LRRC69: variants seen among roughly 807,000 people sequenced by gnomAD.
LRRC69 encodes the protein leucine-rich repeat-containing protein 69.
Under a neutral mutation model 37.8 loss-of-function variants are expected in LRRC69, and 42 were observed. That is an observed-to-expected ratio of 1.11 (90% CI 0.87 to 1.44). The LOEUF (loss-of-function observed/expected upper bound fraction) is 1.44, where lower values mean the gene tolerates loss of function less well. LRRC69 is among the 40% of genes most tolerant of loss of function. LRRC69 has a pLI of 0.00. For synonymous variants in LRRC69, 141 were observed against 143.1 expected, an observed-to-expected ratio of 0.99 and a Z score of 0.11; for missense variants, 357 against 401.9, an observed-to-expected ratio of 0.89 and a Z score of 0.96.
intron 5 of LRRC69, chr8:91,158,500 G>C: frequency 8.9e-7 from 1 of 1,121,188 alleles, no homozygotes; most frequent in Non-Finnish European, 1.4e-6. Context: ...CAATGCACAT[G>C]GGAGATGAAG....
At chr8:91,208,273 G>T (rs931137419) in intron 7 of LRRC69, among the ~76,000 whole-genome samples, 1 of 152,130 alleles carries the variant, frequency 6.6e-6, no homozygotes, top group Admixed American at 6.6e-5. Flanking sequence ...GACAAAGAGA[G>T]GCTAGACCTG....
intron 5 of LRRC69, among the ~76,000 whole-genome samples, chr8:91,183,401 T>G (rs1809355156): frequency 6.6e-6 from 1 of 152,082 alleles, no homozygotes; most frequent in Non-Finnish European, 1.5e-5. Flanking sequence ...AAGAGATATT[T>G]AACAGGTAAA....
At chr8:91,139,403 G>T (rs554672395) in intron 5 of LRRC69, among the ~76,000 whole-genome samples, 56 of 151,994 alleles carry the variant, frequency 3.7e-4, no homozygotes, top group African/African-American at 1.3e-3. Context: ...TTAGCAGGGC[G>T]TGGTGGCGGG....
chr8:91,184,263 A>G (rs1334601424), intron 5 of LRRC69, among the ~76,000 whole-genome samples: 1 of 152,190 alleles, frequency 6.6e-6, no homozygotes, highest in Non-Finnish European at 1.5e-5. Flanking sequence ...TGGGTGACAG[A>G]GTAAAACCCC....
At chr8:91,117,559 CTT>C (rs35003763) in intron 1 of LRRC69, among the ~76,000 whole-genome samples, 51,598 of 114,624 alleles carry the variant, frequency 0.45, 11,869 homozygotes, top group South Asian at 0.61. Context: ...ACAAGATCCA[CTT>C]TTTTTTTTTT....
rs1000132376 is a variant in LRRC69 at position 91,140,029 on chromosome 8, G to A, written c.651+4290G>A. ...CTTGAACCCAGAAGGCAGAGGTTGC[G>A]GTGAGCCAACATCATTGCACCATTG... is the stretch of plus-strand genomic sequence containing the variant. On this transcript the variant is annotated intron_variant, in intron 5 of 7. Transcript: ENST00000448384. Among the ~76,000 whole-genome samples the A allele has an allele frequency of 1.7e-4, 26 of 150,540 alleles. 1 individual carries two copies. The highest frequency in any genetic ancestry group is 5.9e-4 in the African/African-American group (24 of 40,956).
chr8:91,213,551 G>A (rs1809976453), intron 7 of LRRC69, among the ~76,000 whole-genome samples: 1 of 152,174 alleles, frequency 6.6e-6, no homozygotes. Context: ...CGAATAAGTA[G>A]GAGACCTAGT....
At chr8:91,210,588 C>T (rs1156981947) in intron 7 of LRRC69, among the ~76,000 whole-genome samples, 1 of 131,874 alleles carries the variant, frequency 7.6e-6, no homozygotes, top group East Asian at 2.2e-4. Flanking sequence ...CACACACACA[C>T]ACACACAGGT....
intron 5 of LRRC69, among the ~76,000 whole-genome samples, chr8:91,154,194 A>G (rs936302594): frequency 2.6e-5 from 4 of 151,856 alleles, no homozygotes; most frequent in African/African-American, 9.7e-5. Flanking sequence ...ATAGACCAAT[A>G]ACAAGTTCTG....
intron 3 of LRRC69, among the ~76,000 whole-genome samples, chr8:91,128,200 G>A (rs4577919): frequency 0.46 from 70,251 of 151,766 alleles, 17,938 homozygotes; most frequent in South Asian, 0.65. Flanking sequence ...CTAGATTTAT[G>A]CCTTTGGACC....
At chr8:91,143,897 C>A (rs1272887933) in intron 5 of LRRC69, among the ~76,000 whole-genome samples, 1 of 151,946 alleles carries the variant, frequency 6.6e-6, no homozygotes, top group African/African-American at 2.4e-5. Context: ...CCTAGCTTAA[C>A]AATGTACCCA....
At chr8:91,213,247 C>T (rs1809968511) in intron 7 of LRRC69, among the ~76,000 whole-genome samples, 1 of 152,072 alleles carries the variant, frequency 6.6e-6, no homozygotes, top group Non-Finnish European at 1.5e-5. Flanking sequence ...CGTTTCTGTT[C>T]TTATCACAGT....
At chr8:91,191,398 T>C (rs1018676356) in intron 6 of LRRC69, among the ~76,000 whole-genome samples, 6 of 152,194 alleles carry the variant, frequency 3.9e-5, no homozygotes, top group Non-Finnish European at 8.8e-5. Flanking sequence ...TTTATGCCTA[T>C]TATGGACAAG....
intron 1 of LRRC69, among the ~76,000 whole-genome samples, chr8:91,115,092 T>C (rs1015365372): frequency 6.6e-6 from 1 of 151,932 alleles, no homozygotes; most frequent in Non-Finnish European, 1.5e-5. Flanking sequence ...GTTTCAGTTA[T>C]GTAAGATAAA....
intron 5 of LRRC69, among the ~76,000 whole-genome samples, chr8:91,159,358 TA>T (rs1425508641): frequency 6.6e-6 from 1 of 151,228 alleles, no homozygotes; most frequent in Non-Finnish European, 1.5e-5. Flanking sequence ...ACATTGCCAT[TA>T]GAAGAAAAGC....
chr8:91,158,885 T>C, intron 5 of LRRC69: 2 of 606,466 alleles, frequency 3.3e-6, no homozygotes, highest in Non-Finnish European at 6.0e-6. Context: ...ACATACAACT[T>C]TGTGCATTTG....
At chr8:91,162,127 T>A (rs551914070) in intron 5 of LRRC69, among the ~76,000 whole-genome samples, 2 of 151,536 alleles carry the variant, frequency 1.3e-5, no homozygotes, top group East Asian at 3.9e-4. Context: ...ATACTTATGA[T>A]TTTGATTTTT....
At chr8:91,127,092 C>T (rs1563597313) in exon 3 of LRRC69, 2 of 1,545,762 alleles carry the variant, frequency 1.3e-6, no homozygotes, top group Admixed American at 2.0e-5. Flanking sequence ...TAACAGATGG[C>T]TTACAAAATT....
intron 1 of LRRC69, among the ~76,000 whole-genome samples, chr8:91,122,853 A>C (rs1020276993): frequency 2.0e-5 from 3 of 151,984 alleles, no homozygotes; most frequent in Non-Finnish European, 2.9e-5. Context: ...TAATCCCCCA[A>C]TCCTCTGAAT....
Sources: gnomAD v4.1 joint callset for allele counts (sites outside exome capture counted in the v4.1 genomes callset) on GRCh38, gnomAD v4.1.1 for gene constraint, MANE v1.5 for transcripts, NCBI Gene and HGNC (gene_info 2026-07-23, HGNC 2026-07-21) for gene names.